The following RBM33 variants were observed in gnomAD, a reference collection of about 807,000 sequenced individuals.
RBM33 encodes the protein RNA binding motif protein 33.
RBM33 carries 28 observed loss-of-function variants against 132.6 expected under a neutral mutation model. The observed-to-expected ratio is 0.21, with a 90% CI of 0.16 to 0.29. The LOEUF (loss-of-function observed/expected upper bound fraction) is 0.29, where lower values mean the gene tolerates loss of function less well. RBM33 is among the 10% of genes least tolerant of loss of function. The pLI is 1.00. For synonymous variants in RBM33, 634 were observed against 593.0 expected, an observed-to-expected ratio of 1.07 and a Z score of -1.01; for missense variants, 1,291 against 1,518.5, an observed-to-expected ratio of 0.85 and a Z score of 2.49.
chr7:155,700,545 CCTTTTT>C lies in RBM33; in HGVS notation c.568-227_568-222del, dbSNP rs1456324707. ...CTATTAATTGCAAGCAAGAATTTGA[CCTTTTT>C]TTTTTTTTTTTTTTTTTTTTTTTTG... On this transcript the variant is annotated intron_variant, in intron 5 of 17. Transcript: ENST00000401878. Among the ~76,000 whole-genome samples, 7 of 82,848 alleles carry C rather than the reference CCTTTTT, an allele frequency of 8.4e-5. No individual in the cohort carries two copies. In the East Asian group the frequency reaches 1.6e-3, roughly 18 times the overall value. The allele number at this position is 82,848 out of a possible 152,430, so 54.4% of individuals were successfully genotyped here.
intron 16 of RBM33, among the ~76,000 whole-genome samples, chr7:155,767,856 A>G (rs1056873323): frequency 2.0e-5 from 3 of 152,240 alleles, no homozygotes; most frequent in African/African-American, 7.2e-5. Flanking sequence ...TTGCAGGAAC[A>G]CGGTAGACAC....
chr7:155,701,947 A>G (rs1269809120), intron 6 of RBM33, among the ~76,000 whole-genome samples: 1 of 152,126 alleles, frequency 6.6e-6, no homozygotes, highest in Non-Finnish European at 1.5e-5. Flanking sequence ...CAGCCTCCGT[A>G]AGTGCTGGGA....
intron 8 of RBM33, among the ~76,000 whole-genome samples, chr7:155,713,711 CAG>C (rs1800375234): frequency 6.6e-6 from 1 of 152,152 alleles, no homozygotes; most frequent in Non-Finnish European, 1.5e-5. Context: ...TTTGCTAAAA[CAG>C]AAGTTGGATG....
At chr7:155,647,105 C>T (rs1249574634) in intron 1 of RBM33, among the ~76,000 whole-genome samples, 1 of 152,208 alleles carries the variant, frequency 6.6e-6, no homozygotes, top group East Asian at 1.9e-4. Flanking sequence ...AGCACAGTGA[C>T]TTTCAAACTT....
At chr7:155,681,263 G>A (rs1799330210) in intron 5 of RBM33, among the ~76,000 whole-genome samples, 1 of 152,196 alleles carries the variant, frequency 6.6e-6, no homozygotes, top group Admixed American at 6.5e-5. Flanking sequence ...TCCTTCTAAG[G>A]CGAAAAGATT....
intron 1 of RBM33, among the ~76,000 whole-genome samples, chr7:155,657,127 C>T (rs1220918288): frequency 6.6e-6 from 1 of 152,166 alleles, no homozygotes; most frequent in East Asian, 1.9e-4. Flanking sequence ...ATGATTTCAA[C>T]AGCCACTTTC....
At chr7:155,729,745 A>C (rs1352510026) in intron 9 of RBM33, among the ~76,000 whole-genome samples, 1 of 87,902 alleles carries the variant, frequency 1.1e-5, no homozygotes, top group Non-Finnish European at 2.3e-5. Flanking sequence ...TCTTTAACAA[A>C]AAAAAAAAAA....
chr7:155,695,598 T>A (rs955693157), intron 5 of RBM33, among the ~76,000 whole-genome samples: 1 of 152,104 alleles, frequency 6.6e-6, no homozygotes, highest in Non-Finnish European at 1.5e-5. Flanking sequence ...TAGCTGGGAT[T>A]ACAGGCACGT....
chr7:155,673,946 T>TTTTTTTTTTTG (rs1799095600), intron 3 of RBM33, among the ~76,000 whole-genome samples: 1 of 25,764 alleles, frequency 3.9e-5, no homozygotes, highest in Non-Finnish European at 8.8e-5. Flanking sequence ...CTTAGTTTTT[T>TTTTTTTTTTTG]TTTTTTTTTT....
intron 2 of RBM33, among the ~76,000 whole-genome samples, chr7:155,670,013 A>G (rs1798903855): frequency 6.6e-6 from 1 of 152,242 alleles, no homozygotes; most frequent in Admixed American, 6.5e-5. Flanking sequence ...GGGAGGACCC[A>G]GAGACTACAG....
Position 155,766,664 on chromosome 7 carries a change from C to G in RBM33, c.3375+9C>G, listed in dbSNP as rs1235291146. 1.2e-6 allele frequency: 2 copies of G among 1,605,400 alleles called. No individual in the cohort carries two copies. Among genetic ancestry groups the G allele is most frequent in the Non-Finnish European group, 1.7e-6 (2 of 1,176,112 alleles). ...CAGTGGGACCCATTCAGGTAGCCGC[C>G]TGGGGGTGGCATCTGTGCCACGGGT... On this transcript the variant is annotated intron_variant, in intron 16 of 17. Coordinates refer to ENST00000401878, the MANE Select transcript of RBM33 (RefSeq NM_053043.3).
At chr7:155,661,091 GTGTGTGGTGTGT>G (rs1411118711) in intron 1 of RBM33, among the ~76,000 whole-genome samples, 1 of 140,096 alleles carries the variant, frequency 7.1e-6, no homozygotes, top group African/African-American at 2.7e-5. Context: ...TTCTGTGTGT[GTGTGTGGTGTGT>G]GTGTGTGTGT....
chr7:155,655,340 T>C (rs1798462095), intron 1 of RBM33, among the ~76,000 whole-genome samples: 1 of 148,892 alleles, frequency 6.7e-6, no homozygotes, highest in African/African-American at 2.6e-5. Context: ...CTGCTCTGGC[T>C]TTTTTTTGTT....
chr7:155,727,684 GA>G (rs1005550483), intron 9 of RBM33, among the ~76,000 whole-genome samples: 2 of 152,214 alleles, frequency 1.3e-5, no homozygotes, highest in African/African-American at 4.8e-5. Flanking sequence ...AGTTCTATTA[GA>G]GCAGTGGCAA....
At chr7:155,742,288 G>A (rs1430274284) in intron 13 of RBM33, among the ~76,000 whole-genome samples, 182 bp downstream of exon 13, 3 of 122,824 alleles carry the variant, frequency 2.4e-5, no homozygotes, top group African/African-American at 7.0e-5. Context: ...ATTCTCACTA[G>A]TTTACAAGAT....
At chr7:155,663,406 G>A (rs1798710012) in intron 1 of RBM33, among the ~76,000 whole-genome samples, 1 of 151,920 alleles carries the variant, frequency 6.6e-6, no homozygotes, top group Non-Finnish European at 1.5e-5. Flanking sequence ...TACTCATGGT[G>A]GAAGGCCAAG....
chr7:155,742,355 G>T (rs1585516827), intron 13 of RBM33, among the ~76,000 whole-genome samples: 1 of 151,784 alleles, frequency 6.6e-6, no homozygotes, highest in East Asian at 1.9e-4. Context: ...ATATATACCG[G>T]GGCTTAACAA....
At chr7:155,734,862 C>A (rs1319509039) in intron 9 of RBM33, among the ~76,000 whole-genome samples, 1 of 151,838 alleles carries the variant, frequency 6.6e-6, no homozygotes, top group Non-Finnish European at 1.5e-5. Flanking sequence ...GCAGTTGTTT[C>A]TTTTATTCCG....
chr7:155,647,312 A>T (rs1250512085), intron 1 of RBM33, among the ~76,000 whole-genome samples: 8 of 152,230 alleles, frequency 5.3e-5, no homozygotes, highest in Non-Finnish European at 1.2e-4. Flanking sequence ...TCAGTTTGAA[A>T]ATCACTGGTC....
Sources: gnomAD v4.1 joint callset for allele counts (sites outside exome capture counted in the v4.1 genomes callset) on GRCh38, gnomAD v4.1.1 for gene constraint, MANE v1.5 for transcripts, NCBI Gene and HGNC (gene_info 2026-07-23, HGNC 2026-07-21) for gene names.